Variants in GON4L observed in about 807,000 individuals in gnomAD.
The protein encoded by GON4L is GON-4-like protein.
Under a neutral mutation model 211.8 loss-of-function variants are expected in GON4L, and 87 were observed. That is an observed-to-expected ratio of 0.41 (90% CI 0.35 to 0.49). GON4L has a LOEUF of 0.49. GON4L is among the 20% of genes least tolerant of loss of function. The pLI, the probability that GON4L is intolerant of heterozygous loss-of-function variation, is 0.15. For synonymous variants in GON4L, 875 were observed against 962.6 expected (o/e 0.91, Z 1.68); for missense variants, 2,155 against 2,659.5 (o/e 0.81, Z 4.17).
At chr1:155,761,321 A>T (rs1013229879) in intron 23 of GON4L, among the ~76,000 whole-genome samples, 11 of 150,996 alleles carry the variant, frequency 7.3e-5, no homozygotes. Context: ...ACCTAGGACC[A>T]CAGGCATGCA....
intron 2 of GON4L, among the ~76,000 whole-genome samples, chr1:155,851,571 C>T (rs1311243033): frequency 6.6e-6 from 1 of 151,828 alleles, no homozygotes; most frequent in East Asian, 1.9e-4. Flanking sequence ...CAAAAATTAG[C>T]TGAGCACGGT....
Position 155,766,671 on chromosome 1 carries a change from C to T in GON4L, c.2802G>A (p.Met934Ile). The T allele has an allele frequency of 1.2e-6, 2 of 1,614,184 alleles. No individual in the cohort carries two copies. The highest frequency in any genetic ancestry group is 1.7e-6 in the Non-Finnish European group (2 of 1,180,046). Residue 934 changes from methionine (M) to isoleucine (I), a missense_variant, in exon 21 of 32, where the codon ATG (methionine) becomes ATA (isoleucine). Physicochemically the swap from Met to Ile is conservative, Grantham distance 10. Coordinates refer to ENST00000368331, the MANE Select transcript of GON4L (RefSeq NM_001282860.2). ...TTCCTACCTCTCTAGCACCATCAGCCATGTGCCGCAGTTCTTCCTGGATGG... is the reference window on the plus strand; with the variant it reads ...TTCCTACCTCTCTAGCACCATCAGCTATGTGCCGCAGTTCTTCCTGGATGG... ...LPSIQEELRH[M>I]ADGAREVGNM...
rs1660939502 is a variant in GON4L at position 155,754,434 on chromosome 1, C to G, written c.5572G>C (p.Gly1858Arg). 1 of 1,613,418 alleles carries G rather than the reference C, an allele frequency of 6.2e-7. No homozygotes were observed. The highest frequency in any genetic ancestry group is 8.5e-7 in the Non-Finnish European group (1 of 1,179,662). Residue 1858 changes from glycine (G) to arginine (R), a missense_variant, in exon 28 of 32, where the codon GGT becomes CGT. Physicochemically the swap from Gly to Arg is moderately radical, Grantham distance 125 (BLOSUM62 -2). Around this residue, in one of 6 missense-constraint regions of GON4L, gnomAD observed 455 missense variants for 504.6 expected, o/e 0.90. Coordinates refer to ENST00000368331, the MANE Select transcript of GON4L (RefSeq NM_001282860.2). ...KDCACSCHEG[G>R]PDSKLKKSKR... Reference sequence around the variant, plus strand: ...CTCTTCTTCAGCTTGGAATCTGGACCTCCTTCATGGCAGGAGCAGGCACAG... The same window carrying G: ...CTCTTCTTCAGCTTGGAATCTGGACGTCCTTCATGGCAGGAGCAGGCACAG...
At chr1:155,746,836 A>G (rs1163258457), downstream of GON4L, 4 of 1,588,168 alleles carry the variant, frequency 2.5e-6, no homozygotes, top group African/African-American at 3.4e-5. Flanking sequence ...ACTCTATCCC[A>G]AGAACCCTTA....
chr1:155,752,661 T>C, intron 29 of GON4L, 71 bp from the exon 30 acceptor site: 1 of 1,544,872 alleles, frequency 6.5e-7, no homozygotes. Context: ...AAATTACCTG[T>C]GGCCAGGTAC....
downstream of GON4L, among the ~76,000 whole-genome samples, chr1:155,745,557 G>A (rs969516520): frequency 3.3e-5 from 5 of 152,228 alleles, no homozygotes; most frequent in Non-Finnish European, 7.3e-5. Flanking sequence ...AGTCAGCGGC[G>A]GAGACAGCGC....
At chr1:155,850,914 G>A (rs1217225267) in intron 2 of GON4L, among the ~76,000 whole-genome samples, 2 of 151,258 alleles carry the variant, frequency 1.3e-5, no homozygotes, top group African/African-American at 4.9e-5. Flanking sequence ...AAAATTAGCT[G>A]AGCGTGGCAG....
At chr1:155,776,215 G>C (rs146950453) in intron 16 of GON4L, among the ~76,000 whole-genome samples, 180 bp downstream of exon 16, 1 of 152,280 alleles carries the variant, frequency 6.6e-6, no homozygotes, top group East Asian at 1.9e-4. Context: ...CCTTTCATGG[G>C]AATCAGTGGC....
At chr1:155,828,895 T>C (rs1051523980) in intron 2 of GON4L, among the ~76,000 whole-genome samples, 7 of 151,498 alleles carry the variant, frequency 4.6e-5, no homozygotes, top group African/African-American at 1.7e-4. Context: ...CCCTGGACTA[T>C]ACACAAAAAA....
chr1:155,856,879 C>A (rs1672337116), intron 1 of GON4L, among the ~76,000 whole-genome samples: 1 of 151,374 alleles, frequency 6.6e-6, no homozygotes, highest in Admixed American at 6.6e-5. Flanking sequence ...CAAGTCGGAC[C>A]AGCAGGGTGA....
chr1:155,794,079 CTT>C (rs796127773), intron 12 of GON4L, among the ~76,000 whole-genome samples: 2 of 149,652 alleles, frequency 1.3e-5, no homozygotes, highest in Admixed American at 6.7e-5. Flanking sequence ...GCTTAAACCT[CTT>C]TTTTTTTTCA....
chr1:155,817,637 A>C (rs1668362216), intron 6 of GON4L, among the ~76,000 whole-genome samples: 1 of 152,222 alleles, frequency 6.6e-6, no homozygotes, highest in African/African-American at 2.4e-5. Context: ...AAGAAGGCCA[A>C]GTATAGCGGC....
Position 155,795,072 on chromosome 1 carries a change from A to C in GON4L, c.1725T>G (p.Thr575=). The change falls in exon 12 of 32, where the codon ACT becomes ACG. Residue 575 remains threonine (T), a synonymous_variant. Transcript: ENST00000368331. ...CACTGGTGATTCTCACTGCCCGGTCAGTCCGGAAATCCTCTGTGTCTGGTT... is the reference window on the plus strand; with the variant it reads ...CACTGGTGATTCTCACTGCCCGGTCCGTCCGGAAATCCTCTGTGTCTGGTT... ...LDEPDTEDFR[T]DRAVRITKKE... is the part of the protein sequence containing the mutation. The C allele has an allele frequency of 6.3e-7, 1 of 1,597,788 alleles. No individual in the cohort carries two copies. The highest frequency in any genetic ancestry group is 1.3e-5 in the African/African-American group (1 of 74,762).
intron 6 of GON4L, among the ~76,000 whole-genome samples, chr1:155,817,715 T>C (rs1320277570): frequency 6.6e-6 from 1 of 151,926 alleles, no homozygotes; most frequent in Non-Finnish European, 1.5e-5. Flanking sequence ...GGAGTTTGAG[T>C]TCAGCCTGGG....
At chr1:155,801,460 A>G (rs969077234) in intron 11 of GON4L, among the ~76,000 whole-genome samples, 9 of 151,944 alleles carry the variant, frequency 5.9e-5, no homozygotes, top group African/African-American at 9.7e-5. Context: ...TCCTTACACA[A>G]TTTTTTTCAT....
At chr1:155,831,252 T>G (rs1160049090) in intron 2 of GON4L, among the ~76,000 whole-genome samples, 1 of 152,034 alleles carries the variant, frequency 6.6e-6, no homozygotes, top group Admixed American at 6.6e-5. Flanking sequence ...TGAGCCGTAA[T>G]TGCACTGCTG....
chr1:155,763,947 G>A (rs1662120356), intron 21 of GON4L, among the ~76,000 whole-genome samples: 1 of 150,252 alleles, frequency 6.7e-6, no homozygotes, highest in Non-Finnish European at 1.5e-5. Flanking sequence ...AGGTTGCAGT[G>A]AGCTGAAATT....
At chr1:155,776,936 T>C (rs1295821047) in intron 15 of GON4L, among the ~76,000 whole-genome samples, 1 of 152,088 alleles carries the variant, frequency 6.6e-6, no homozygotes, top group Non-Finnish European at 1.5e-5. Flanking sequence ...TAACATAGGA[T>C]CTTGGCATAA....
At chr1:155,834,265 T>C (rs942727606) in intron 2 of GON4L, among the ~76,000 whole-genome samples, 26 of 152,188 alleles carry the variant, frequency 1.7e-4, no homozygotes, top group African/African-American at 6.3e-4. Flanking sequence ...AAATTTTAAA[T>C]TTACATTTTA....
Sources: allele counts gnomAD v4.1 joint callset (sites outside exome capture counted in the v4.1 genomes callset), GRCh38; gene constraint gnomAD v4.1.1; regional missense constraint gnomAD v4.1.1; transcripts MANE v1.5; gene names NCBI Gene and HGNC (gene_info 2026-07-23, HGNC 2026-07-21).